ATF1: variants seen among roughly 807,000 people sequenced by gnomAD.
ATF1 encodes cyclic AMP-dependent transcription factor ATF-1.
A neutral mutation model predicts 34.7 loss-of-function variants in ATF1; 16 were observed. The ratio of observed to expected loss-of-function variants is 0.46; its 90% CI spans 0.31 to 0.70. The LOEUF (loss-of-function observed/expected upper bound fraction) is 0.70, where lower values mean the gene tolerates loss of function less well. Ranked by LOEUF, ATF1 falls within the 30% of genes least tolerant of loss-of-function variation. ATF1 has a pLI of 0.05. For synonymous variants in ATF1, 105 were observed against 113.1 expected (o/e 0.93, Z 0.46); for missense variants, 255 against 321.6 (o/e 0.79, Z 1.58).
intron 1 of ATF1, among the ~76,000 whole-genome samples, chr12:50,770,369 G>A (rs926354907): frequency 2.6e-5 from 4 of 152,202 alleles, no homozygotes; most frequent in African/African-American, 9.6e-5. Context: ...CACAGTGCCT[G>A]TACAGGGTTT....
chr12:50,791,389 C>G (rs1411412100), intron 2 of ATF1, among the ~76,000 whole-genome samples: 1 of 152,104 alleles, frequency 6.6e-6, no homozygotes, highest in African/African-American at 2.4e-5. Flanking sequence ...AACCCCGTCT[C>G]TACTAAAAAT....
chr12:50,795,165 T>C (rs1941385796), intron 2 of ATF1, among the ~76,000 whole-genome samples: 1 of 152,184 alleles, frequency 6.6e-6, no homozygotes, highest in East Asian at 1.9e-4. Context: ...GAATGGTCTG[T>C]TCTCAGTCTT....
At chr12:50,813,039 G>A (rs962287066) in intron 4 of ATF1, among the ~76,000 whole-genome samples, 3 of 152,090 alleles carry the variant, frequency 2.0e-5, no homozygotes, top group African/African-American at 7.2e-5. Flanking sequence ...CTGAAAAGAG[G>A]GTACAGAGAT....
At chr12:50,807,155 C>T (rs1202582488) in intron 3 of ATF1, among the ~76,000 whole-genome samples, 1 of 152,160 alleles carries the variant, frequency 6.6e-6, no homozygotes, top group Admixed American at 6.5e-5. Flanking sequence ...TGCCTGTAGT[C>T]CCAACACTTA....
intron 3 of ATF1, among the ~76,000 whole-genome samples, chr12:50,807,192 G>A (rs1236215517): frequency 2.6e-5 from 4 of 152,110 alleles, no homozygotes; most frequent in African/African-American, 9.7e-5. Context: ...AGAATCACTT[G>A]AGCCCAGGAG....
chr12:50,812,104 T>TA (rs1941749881), intron 4 of ATF1, among the ~76,000 whole-genome samples: 1 of 152,212 alleles, frequency 6.6e-6, no homozygotes, highest in South Asian at 2.1e-4. Flanking sequence ...ATGGAGCTAA[T>TA]ACCCTATCAG....
At chr12:50,800,490 G>A (rs1028111120) in intron 3 of ATF1, among the ~76,000 whole-genome samples, 2 of 152,276 alleles carry the variant, frequency 1.3e-5, no homozygotes, top group South Asian at 2.1e-4. Context: ...ACCCCAGGCC[G>A]TGGATTGGTA....
chr12:50,805,996 C>T (rs1301722385), intron 3 of ATF1, among the ~76,000 whole-genome samples: 2 of 152,064 alleles, frequency 1.3e-5, no homozygotes, highest in South Asian at 2.1e-4. Flanking sequence ...ACTAACAATA[C>T]AAAAATTAGC....
At chr12:50,805,231 C>T (rs66838741) in intron 3 of ATF1, among the ~76,000 whole-genome samples, 38,775 of 151,714 alleles carry the variant, frequency 0.26, 5,513 homozygotes, top group Non-Finnish European at 0.32. Flanking sequence ...ACAGTATGCT[C>T]TGTGATCATA....
chr12:50,774,200 T>G (rs2139641511), intron 1 of ATF1, among the ~76,000 whole-genome samples: 1 of 151,952 alleles, frequency 6.6e-6, no homozygotes, highest in Non-Finnish European at 1.5e-5. Flanking sequence ...CCTGGCTAAT[T>G]TCTTTTTTAT....
At chr12:50,783,087 A>G (rs527688547) in intron 2 of ATF1, among the ~76,000 whole-genome samples, 5 of 152,208 alleles carry the variant, frequency 3.3e-5, no homozygotes, top group African/African-American at 1.2e-4. Context: ...AAATGTATTA[A>G]TGGAAATAGG....
intron 6 of ATF1, among the ~76,000 whole-genome samples, chr12:50,815,742 A>C (rs1941830780): frequency 6.6e-6 from 1 of 152,096 alleles, no homozygotes. Context: ...CAGTATGGAG[A>C]CTTCTCAAAA....
intron 1 of ATF1, among the ~76,000 whole-genome samples, chr12:50,769,227 G>T (rs1320077429): frequency 1.3e-5 from 2 of 152,128 alleles, no homozygotes; most frequent in African/African-American, 4.8e-5. Flanking sequence ...TAAGTTGGCC[G>T]GGCACAGTGG....
intron 6 of ATF1, among the ~76,000 whole-genome samples, chr12:50,816,100 C>T (rs1375314344): frequency 2.6e-5 from 4 of 151,962 alleles, no homozygotes; most frequent in African/African-American, 2.4e-5. Context: ...TTTGGGAGGC[C>T]GAGGCGGGAG....
intron 3 of ATF1, 36 bp downstream of exon 3, chr12:50,796,045 G>A (rs771045178): frequency 2.8e-5 from 42 of 1,510,390 alleles, no homozygotes; most frequent in Non-Finnish European, 3.6e-5. Context: ...TGCATGTTAT[G>A]ATAGTACCAA....
intron 6 of ATF1, among the ~76,000 whole-genome samples, chr12:50,817,559 G>T (rs766455313): frequency 2.6e-5 from 4 of 152,082 alleles, no homozygotes; most frequent in Admixed American, 6.5e-5. Context: ...TCTGTCATTG[G>T]GCATATAAGG....
chr12:50,796,173 T>C (rs938897316), intron 3 of ATF1, among the ~76,000 whole-genome samples, 164 bp downstream of exon 3: 45 of 152,190 alleles, frequency 3.0e-4, no homozygotes, highest in Non-Finnish European at 1.3e-4. Flanking sequence ...CGAGGTAGGA[T>C]TGCTTGAGCC....
chr12:50,816,651 C>T (rs985177876), intron 6 of ATF1, among the ~76,000 whole-genome samples: 2 of 151,460 alleles, frequency 1.3e-5, no homozygotes, highest in Non-Finnish European at 2.9e-5. Context: ...CCAGCATTTT[C>T]GGAGGCCAAG....
At chr12:50,810,629 C>A (rs971688427) in intron 4 of ATF1, among the ~76,000 whole-genome samples, 1 of 152,150 alleles carries the variant, frequency 6.6e-6, no homozygotes, top group East Asian at 1.9e-4. Flanking sequence ...TAGTATAACA[C>A]CGCCAATCAA....
Sources: gnomAD v4.1 joint callset for allele counts (sites outside exome capture counted in the v4.1 genomes callset) on GRCh38, gnomAD v4.1.1 for gene constraint, MANE v1.5 for transcripts, NCBI Gene and HGNC (gene_info 2026-07-23, HGNC 2026-07-21) for gene names.